Variants in PKP2 observed in about 807,000 individuals in gnomAD.
PKP2 encodes the protein plakophilin-2.
A neutral mutation model predicts 83.4 loss-of-function variants in PKP2; 73 were observed. The ratio of observed to expected loss-of-function variants is 0.88; its 90% CI spans 0.72 to 1.06. The LOEUF (loss-of-function observed/expected upper bound fraction) is 1.06, where lower values mean the gene tolerates loss of function less well. Ranked by LOEUF, PKP2 falls within the 50% of genes least tolerant of loss-of-function variation. The probability of loss-of-function intolerance (pLI) is 0.00; values close to 1 mark genes in which losing one functional copy is unlikely to be tolerated. For missense variants in PKP2, 966 were observed against 1,065.4 expected, an observed-to-expected ratio of 0.91 and a Z score of 1.30; for synonymous variants, 409 against 430.4, an observed-to-expected ratio of 0.95 and a Z score of 0.62.
At chr12:32,851,786 T>C (rs1358381775) in intron 4 of PKP2, among the ~76,000 whole-genome samples, 4 of 152,218 alleles carry the variant, frequency 2.6e-5, no homozygotes, top group South Asian at 2.1e-4. Context: ...TAAATTCTTA[T>C]AACCAATTGC....
At chr12:32,822,411 A>G in intron 8 of PKP2, 56 bp downstream of exon 8, 1 of 1,450,128 alleles carries the variant, frequency 6.9e-7, no homozygotes, top group Non-Finnish European at 9.7e-7. Context: ...ATACACAAAC[A>G]CACACTCTCT....
chr12:32,841,892 T>C (rs1430934582), intron 5 of PKP2, among the ~76,000 whole-genome samples: 1 of 152,224 alleles, frequency 6.6e-6, no homozygotes, highest in Non-Finnish European at 1.5e-5. Context: ...CAACAGCATC[T>C]TCCCTATTGG....
At chr12:32,873,856 GGGAA>G (rs376649211) in intron 3 of PKP2, among the ~76,000 whole-genome samples, 27 of 152,276 alleles carry the variant, frequency 1.8e-4, no homozygotes, top group African/African-American at 6.3e-4. Flanking sequence ...GATGCTTACT[GGGAA>G]GGACCTATGA....
At chr12:32,796,650 C>A (rs151167050) in intron 10 of PKP2, among the ~76,000 whole-genome samples, 5,806 of 152,128 alleles carry the variant, frequency 0.038, 202 homozygotes, top group Non-Finnish European at 0.054. Context: ...CCGCCAGCCT[C>A]GGCCTCCCAA....
chr12:32,852,604 A>G (rs1034714742), intron 4 of PKP2, among the ~76,000 whole-genome samples: 7 of 152,210 alleles, frequency 4.6e-5, no homozygotes, highest in African/African-American at 1.7e-4. Flanking sequence ...TAATTAATAG[A>G]TTGCAAGAAC....
chr12:32,876,124 G>C (rs114594831), intron 3 of PKP2, among the ~76,000 whole-genome samples: 111 of 152,272 alleles, frequency 7.3e-4, no homozygotes, highest in African/African-American at 2.6e-3. Flanking sequence ...CAAGGGATGA[G>C]AGAATTTCAT....
At chr12:32,798,597 A>G (rs1326330527) in intron 10 of PKP2, among the ~76,000 whole-genome samples, 2 of 152,192 alleles carry the variant, frequency 1.3e-5, no homozygotes, top group Non-Finnish European at 2.9e-5. Flanking sequence ...ACCCAGAAAT[A>G]AAGCAAAATA....
intron 4 of PKP2, among the ~76,000 whole-genome samples, chr12:32,856,308 T>C (rs1325484111): frequency 1.3e-5 from 2 of 152,082 alleles, no homozygotes; most frequent in African/African-American, 4.8e-5. Flanking sequence ...CTGGGGGCTG[T>C]GAAGCATGAG....
intron 9 of PKP2, among the ~76,000 whole-genome samples, chr12:32,802,846 G>A (rs1956194835): frequency 6.6e-6 from 1 of 151,674 alleles, no homozygotes; most frequent in African/African-American, 2.4e-5. Flanking sequence ...TTTTAGTAGA[G>A]ATGGTGTTTC....
In PKP2 at chr12:32,841,081, T is replaced by A. The variant is rs1474720012; in HGVS notation, c.1503A>T (p.Lys501Asn). Residue 501 changes from lysine (K) to asparagine (N), a missense_variant, in exon 6 of 13, where the codon AAA becomes AAT. By Grantham distance (94) the Lys-to-Asn change is moderately conservative. Coordinates refer to ENST00000340811, the MANE Select transcript of PKP2 (RefSeq NM_001005242.3). The part of the protein sequence containing the change: ...FSGWPEGDYP[K>N]ANGLLDFDIF... ...TGTCAAAATCGAGCAAACCATTTGC[T>A]TTTGGGTAGTCTCCTTCAGGCCACC... is the stretch of plus-strand genomic sequence containing the variant. The A allele has an allele frequency of 2.5e-6, 4 of 1,613,986 alleles. No homozygotes were observed. Among genetic ancestry groups the A allele is most frequent in the Admixed American group, 1.7e-5 (1 of 60,000 alleles).
intron 1 of PKP2, among the ~76,000 whole-genome samples, chr12:32,883,236 C>T (rs1957000919): frequency 6.6e-6 from 1 of 152,222 alleles, no homozygotes; most frequent in Non-Finnish European, 1.5e-5. Flanking sequence ...TGCAAGTTGG[C>T]ACAATCGATG....
Position 32,850,809 on chromosome 12 carries a change from C to T in PKP2, c.1335G>A (p.Val445=), listed in dbSNP as rs1956688728. 1 of 1,613,418 alleles carries T rather than the reference C, an allele frequency of 6.2e-7. No individual in the cohort carries two copies. The highest frequency in any genetic ancestry group is 8.5e-7 in the Non-Finnish European group (1 of 1,179,852). The stretch of plus-strand genomic sequence containing the variant: ...TCTCCAAGTCTCTGGTTTGCTTCAG[C>T]ACCTGGAGCAGCCGAGGTACCCCAT... ...ELNGVPRLLQ[V]LKQTRDLETK... is the part of the protein sequence containing the mutation. The change falls in exon 5 of 13, where the codon GTG becomes GTA. Residue 445 remains valine (V), a synonymous_variant. Coordinates refer to ENST00000340811, the MANE Select transcript of PKP2 (RefSeq NM_001005242.3).
chr12:32,887,582 TAG>T (rs1957040974), intron 1 of PKP2, among the ~76,000 whole-genome samples: 3 of 152,262 alleles, frequency 2.0e-5, no homozygotes, highest in Non-Finnish European at 2.9e-5. Flanking sequence ...GCCTTCCGAG[TAG>T]CTGGACTACA....
Position 32,808,625 on chromosome 12 carries a change from G to A in PKP2, c.2014-6069C>T, listed in dbSNP as rs569535434. Among the ~76,000 whole-genome samples, 62 of 152,288 alleles carry A rather than the reference G, an allele frequency of 4.1e-4. 1 individual carries two copies. The highest frequency in any genetic ancestry group is 1.3e-3 in the African/African-American group (56 of 41,562). On this transcript the variant is annotated intron_variant, in intron 9 of 12. Transcript: ENST00000340811. ...GCACTCTGTCTTTTTGAGTTTCAGC[G>A]TTTTTGCATTGATTCTTTCTCATCT...
intron 6 of PKP2, among the ~76,000 whole-genome samples, chr12:32,834,692 A>C (rs1453269556): frequency 6.6e-6 from 1 of 152,128 alleles, no homozygotes; most frequent in East Asian, 1.9e-4. Flanking sequence ...CTTTAAGAGA[A>C]GAAAGAAGAC....
chr12:32,892,315 C>CTT (rs375237005), intron 1 of PKP2, among the ~76,000 whole-genome samples: 318 of 137,436 alleles, frequency 2.3e-3, no homozygotes, highest in Middle Eastern at 3.7e-3. Flanking sequence ...CCAGAATTCA[C>CTT]TTTTTTTTTT....
At chr12:32,792,547 A>T in intron 12 of PKP2, 55 bp from the exon 13 acceptor site, 1 of 1,573,026 alleles carries the variant, frequency 6.4e-7, no homozygotes, top group Non-Finnish European at 8.8e-7. Flanking sequence ...ACACAAGAAA[A>T]TGCAGTTTTT....
chr12:32,852,858 C>T (rs374873706), intron 4 of PKP2, among the ~76,000 whole-genome samples: 154 of 152,022 alleles, frequency 1.0e-3, no homozygotes, highest in African/African-American at 3.5e-3. Context: ...TCAAGGTGGG[C>T]GGATCATGAG....
At chr12:32,815,818 T>C (rs893556080) in intron 9 of PKP2, among the ~76,000 whole-genome samples, 15 of 152,182 alleles carry the variant, frequency 9.9e-5, no homozygotes, top group African/African-American at 3.4e-4. Flanking sequence ...TTGCTCAGCT[T>C]GGGGACAGCA....
Sources: gnomAD v4.1 joint callset for allele counts (sites outside exome capture counted in the v4.1 genomes callset) on GRCh38, gnomAD v4.1.1 for gene constraint, MANE v1.5 for transcripts, NCBI Gene and HGNC (gene_info 2026-07-23, HGNC 2026-07-21) for gene names.